The following FAM135B variants were observed in gnomAD, a reference collection of about 807,000 sequenced individuals.
FAM135B encodes the protein family with sequence similarity 135 member B.
In FAM135B, 43 loss-of-function variants were observed where a neutral mutation model predicts 127.7. The ratio of observed to expected loss-of-function variants is 0.34; its 90% CI spans 0.26 to 0.43. The LOEUF is 0.43. Ranked by LOEUF, FAM135B falls within the 20% of genes least tolerant of loss-of-function variation. FAM135B has a pLI of 1.00. For synonymous variants in FAM135B, 670 were observed against 665.1 expected, an observed-to-expected ratio of 1.01 and a Z score of -0.11; for missense variants, 1,558 against 1,725.6, an observed-to-expected ratio of 0.90 and a Z score of 1.72.
intron 7 of FAM135B, among the ~76,000 whole-genome samples, chr8:138,217,731 G>A (rs574448622): frequency 3.3e-5 from 5 of 152,070 alleles, no homozygotes; most frequent in Admixed American, 6.6e-5. Flanking sequence ...ATGCCCGGCC[G>A]ATATATTTCT....
intron 2 of FAM135B, among the ~76,000 whole-genome samples, chr8:138,355,951 A>G (rs937206473): frequency 6.6e-6 from 1 of 152,184 alleles, no homozygotes; most frequent in African/African-American, 2.4e-5. Flanking sequence ...TTAAGTAATT[A>G]GGGCTTTGTC....
intron 2 of FAM135B, among the ~76,000 whole-genome samples, chr8:138,347,177 T>C (rs1249530672): frequency 6.6e-6 from 1 of 152,230 alleles, no homozygotes; most frequent in Admixed American, 6.5e-5. Context: ...CAGGAGGACC[T>C]GGCTCCTCAC....
chr8:138,274,633 T>A (rs1823664370), intron 3 of FAM135B, among the ~76,000 whole-genome samples: 1 of 152,140 alleles, frequency 6.6e-6, no homozygotes, highest in Non-Finnish European at 1.5e-5. Context: ...TATGGGAGAC[T>A]GGAGTCTATT....
chr8:138,283,211 C>T (rs7823085), intron 3 of FAM135B, among the ~76,000 whole-genome samples: 109,217 of 152,024 alleles, frequency 0.72, 39,398 homozygotes, highest in Admixed American at 0.81. Flanking sequence ...GCAACCAAGA[C>T]GTCCTTCAGG....
intron 6 of FAM135B, among the ~76,000 whole-genome samples, chr8:138,247,736 G>T (rs1440928645): frequency 1.3e-5 from 2 of 152,150 alleles, no homozygotes; most frequent in Admixed American, 6.5e-5. Context: ...AAAGCTGCTG[G>T]AGTCTTTACA....
At chr8:138,352,747 T>C (rs1563927465) in intron 2 of FAM135B, among the ~76,000 whole-genome samples, 1 of 151,846 alleles carries the variant, frequency 6.6e-6, no homozygotes, top group Admixed American at 6.6e-5. Flanking sequence ...TAAAGTACAT[T>C]GGTTCCATTC....
chr8:138,486,457 G>T (rs1814988519), intron 1 of FAM135B, among the ~76,000 whole-genome samples: 1 of 152,146 alleles, frequency 6.6e-6, no homozygotes, highest in Non-Finnish European at 1.5e-5. Flanking sequence ...TACTGAGCTG[G>T]CACTCTATCA....
At chr8:138,470,093 G>A (rs905463497) in intron 1 of FAM135B, among the ~76,000 whole-genome samples, 6 of 152,170 alleles carry the variant, frequency 3.9e-5, no homozygotes, top group African/African-American at 7.2e-5. Flanking sequence ...AAGACTTAAG[G>A]AAAACTGCTT....
intron 3 of FAM135B, among the ~76,000 whole-genome samples, chr8:138,300,306 C>T (rs1416049000): frequency 2.6e-5 from 4 of 151,530 alleles, no homozygotes; most frequent in African/African-American, 7.3e-5. Context: ...TGGTTAAAAA[C>T]GAGCCTGTGG....
At chr8:138,335,552 T>G (rs201876720) in intron 2 of FAM135B, among the ~76,000 whole-genome samples, 1 of 152,024 alleles carries the variant, frequency 6.6e-6, no homozygotes, top group Non-Finnish European at 1.5e-5. Context: ...AACAAGAAGA[T>G]CTAACTATCC....
At chr8:138,254,334 C>G (rs1300815603) in intron 5 of FAM135B, among the ~76,000 whole-genome samples, 1 of 152,218 alleles carries the variant, frequency 6.6e-6, no homozygotes, top group African/African-American at 2.4e-5. Flanking sequence ...ACTGTATACA[C>G]TGTGACTTAT....
chr8:138,300,092 C>T (rs528571474), intron 3 of FAM135B, among the ~76,000 whole-genome samples: 15 of 152,032 alleles, frequency 9.9e-5, no homozygotes, highest in Admixed American at 2.6e-4. Flanking sequence ...TTCAGCCTCC[C>T]GAGTAGCTGG....
intron 2 of FAM135B, among the ~76,000 whole-genome samples, chr8:138,346,293 A>G (rs1260898763): frequency 6.6e-6 from 1 of 152,222 alleles, no homozygotes; most frequent in Non-Finnish European, 1.5e-5. Flanking sequence ...CAGCAATCCC[A>G]TTACTGGGCA....
chr8:138,488,638 G>A (rs1815079341), intron 1 of FAM135B, among the ~76,000 whole-genome samples: 1 of 151,724 alleles, frequency 6.6e-6, no homozygotes, highest in African/African-American at 2.4e-5. Flanking sequence ...GTTTTTGTTT[G>A]TTTTTTTGTG....
chr8:138,365,878 C>T (rs1418486775), intron 2 of FAM135B, among the ~76,000 whole-genome samples: 1 of 152,260 alleles, frequency 6.6e-6, no homozygotes, highest in Non-Finnish European at 1.5e-5. Flanking sequence ...AGTTACTGAA[C>T]GGGATTCTGC....
chr8:138,245,680 T>A (rs2130427540), intron 6 of FAM135B, among the ~76,000 whole-genome samples: 1 of 152,236 alleles, frequency 6.6e-6, no homozygotes, highest in Admixed American at 6.5e-5. Flanking sequence ...ACTAATACAG[T>A]AAATTGGTAA....
intron 1 of FAM135B, among the ~76,000 whole-genome samples, chr8:138,380,055 G>A (rs1831744684): frequency 6.6e-6 from 1 of 152,180 alleles, no homozygotes; most frequent in Non-Finnish European, 1.5e-5. Context: ...CAGAACGGCA[G>A]TGCACCGCAC....
At chr8:138,310,989 G>A (rs2130894963) in intron 2 of FAM135B, 69 bp from the exon 3 acceptor site, 1 of 1,290,946 alleles carries the variant, frequency 7.7e-7, no homozygotes, top group African/African-American at 1.5e-5. Flanking sequence ...AAAATACCTA[G>A]AATTAATCCT....
intron 7 of FAM135B, among the ~76,000 whole-genome samples, chr8:138,224,499 C>T (rs547640604): frequency 3.0e-4 from 45 of 152,246 alleles, no homozygotes; most frequent in Middle Eastern, 3.4e-3. Context: ...TGCAGAGGCC[C>T]GATCTCGGCT....
Sources: gnomAD v4.1 joint callset for allele counts (sites outside exome capture counted in the v4.1 genomes callset) on GRCh38, gnomAD v4.1.1 for gene constraint, MANE v1.5 for transcripts, NCBI Gene and HGNC (gene_info 2026-07-23, HGNC 2026-07-21) for gene names.